The following SPATA31F1 variants were observed in gnomAD, a reference collection of about 807,000 sequenced individuals.
The protein encoded by SPATA31F1 is SPATA31 subfamily F member 1.
At chr9:34,723,594 T>G in the SPATA31F1 span, 1 of 1,551,778 alleles carries the variant, frequency 6.4e-7, no homozygotes, top group Non-Finnish European at 8.7e-7. Context: ...AGAAAACATT[T>G]AATTTTATTT....
the SPATA31F1 span, chr9:34,725,920 G>C: frequency 1.9e-6 from 3 of 1,551,868 alleles, no homozygotes; most frequent in Admixed American, 5.9e-5. Flanking sequence ...GGGACTCACT[G>C]TGCAGAGAAG....
the SPATA31F1 span, chr9:34,724,071 C>A: frequency 6.6e-7 from 1 of 1,521,954 alleles, no homozygotes; most frequent in Non-Finnish European, 8.9e-7. Flanking sequence ...TGGTCCCTGG[C>A]TGCTTTGGTT....
At chr9:34,723,686 G>C in the SPATA31F1 span, 10 of 1,551,672 alleles carry the variant, frequency 6.4e-6, no homozygotes, top group Non-Finnish European at 7.8e-6. Context: ...GCCTTGCAAA[G>C]TTTGGCCCTG....
At chr9:34,726,778 C>T in the SPATA31F1 span, 2,609 of 1,551,732 alleles carry the variant, frequency 1.7e-3, 2 homozygotes, top group Non-Finnish European at 2.1e-3. Flanking sequence ...AGGAATGAAA[C>T]TCCAGACTCT....
chr9:34,728,149 A>G, the SPATA31F1 span: 2 of 1,418,976 alleles, frequency 1.4e-6, no homozygotes, highest in African/African-American at 1.4e-5. Flanking sequence ...AGGAAGCTGA[A>G]TAGTAAGGCC....
the SPATA31F1 span, chr9:34,723,208 T>C: frequency 3.9e-6 from 6 of 1,544,980 alleles, no homozygotes; most frequent in East Asian, 1.5e-4. Context: ...GACCAATGTT[T>C]CTATCTGAGG....
At chr9:34,723,948 G>T in the SPATA31F1 span, 1 of 1,551,258 alleles carries the variant, frequency 6.4e-7, no homozygotes, top group Non-Finnish European at 8.7e-7. Flanking sequence ...CGGCTCCATC[G>T]CCAGGACCCT....
the SPATA31F1 span, chr9:34,726,657 G>A: frequency 6.4e-7 from 1 of 1,551,778 alleles, no homozygotes; most frequent in African/African-American, 1.4e-5. Flanking sequence ...CAGTAATCTT[G>A]TATGCCATCT....
chr9:34,724,007 G>A, the SPATA31F1 span: 1 of 1,548,530 alleles, frequency 6.5e-7, no homozygotes. Flanking sequence ...GTCTTCAGCA[G>A]GGCGTCTCTC....
chr9:34,724,664 G>A, the SPATA31F1 span: 7 of 1,543,182 alleles, frequency 4.5e-6, no homozygotes, highest in Non-Finnish European at 6.1e-6. Flanking sequence ...TACTGGCACT[G>A]CAGGCTGGAA....
chr9:34,729,129 T>C, the SPATA31F1 span, among the ~76,000 whole-genome samples: 1 of 152,176 alleles, frequency 6.6e-6, no homozygotes, highest in African/African-American at 2.4e-5. Context: ...AAGGGCCTGG[T>C]AAGGAATTAT....
At chr9:34,728,747 G>A in the SPATA31F1 span, 34 of 1,156,138 alleles carry the variant, frequency 2.9e-5, 1 homozygote, top group African/African-American at 2.6e-4. Flanking sequence ...TTTTTCACTC[G>A]CTTTGTATAT....
chr9:34,723,680 T>C, the SPATA31F1 span: 16 of 1,551,650 alleles, frequency 1.0e-5, no homozygotes, highest in Non-Finnish European at 1.4e-5. Context: ...AACTTGGCCT[T>C]GCAAAGTTTG....
the SPATA31F1 span, chr9:34,723,454 C>T: frequency 1.9e-6 from 3 of 1,551,688 alleles, no homozygotes; most frequent in African/African-American, 4.1e-5. Context: ...TCTTACTTCT[C>T]CCCACAGGGC....
the SPATA31F1 span, chr9:34,723,565 C>T: frequency 2.6e-6 from 4 of 1,551,634 alleles, no homozygotes; most frequent in Non-Finnish European, 3.5e-6. Flanking sequence ...TGCCTTTTGT[C>T]TTGGGGTTAA....
chr9:34,726,911 A>G, the SPATA31F1 span: 1 of 1,551,794 alleles, frequency 6.4e-7, no homozygotes, highest in Non-Finnish European at 8.7e-7. Flanking sequence ...CTCCAGAGCC[A>G]CAGAATTGCA....
chr9:34,729,375 T>G, the SPATA31F1 span: 1 of 1,551,700 alleles, frequency 6.4e-7, no homozygotes, highest in Non-Finnish European at 8.7e-7. Flanking sequence ...GATGGAGCCA[T>G]AGATGTATAA....
chr9:34,724,788 C>A, the SPATA31F1 span: 239 of 1,551,528 alleles, frequency 1.5e-4, no homozygotes, highest in African/African-American at 2.6e-3. Context: ...GGGATTTCCA[C>A]GGGACTAGGC....
the SPATA31F1 span, chr9:34,723,990 G>T: frequency 6.5e-7 from 1 of 1,549,910 alleles, no homozygotes; most frequent in Admixed American, 2.0e-5. Context: ...ATCCCTGCTG[G>T]CCTCTGGTCT....
Sources: allele counts gnomAD v4.1 joint callset (sites outside exome capture counted in the v4.1 genomes callset), GRCh38; gene constraint gnomAD v4.1.1; transcripts MANE v1.5; gene names NCBI Gene and HGNC (gene_info 2026-07-23, HGNC 2026-07-21).